The following CCDC15 variants were observed in gnomAD, a reference collection of about 807,000 sequenced individuals.
CCDC15 encodes the protein coiled-coil domain-containing protein 15.
A neutral mutation model predicts 114.5 loss-of-function variants in CCDC15; 105 were observed. That is an observed-to-expected ratio of 0.92 (90% CI 0.78 to 1.08). The LOEUF is 1.08. Among genes scored for constraint, CCDC15 ranks in the 50% least tolerant of loss-of-function variants. CCDC15 has a pLI of 0.00. For missense variants in CCDC15, 1,105 were observed against 1,093.6 expected, an observed-to-expected ratio of 1.01 and a Z score of -0.15; for synonymous variants, 334 against 377.8, an observed-to-expected ratio of 0.88 and a Z score of 1.34.
chr11:125,029,912 C>T (rs537821237), intron 13 of CCDC15, among the ~76,000 whole-genome samples: 2 of 152,308 alleles, frequency 1.3e-5, no homozygotes, highest in African/African-American at 4.8e-5. Context: ...GAGTAGTAGA[C>T]TGATTTCATG....
At chr11:125,006,868 C>G (rs1456185556) in intron 13 of CCDC15, among the ~76,000 whole-genome samples, 1 of 152,128 alleles carries the variant, frequency 6.6e-6, no homozygotes, top group Non-Finnish European at 1.5e-5. Flanking sequence ...GTTCTCTGTT[C>G]TGTTCCATTG....
At chr11:124,980,537 G>C (rs7121890) in intron 6 of CCDC15, among the ~76,000 whole-genome samples, 5,986 of 152,248 alleles carry the variant, frequency 0.039, 145 homozygotes, top group Middle Eastern at 0.092. Context: ...ATTTCTTCCA[G>C]ATTTTCTAGC....
At chr11:124,971,846 T>C (rs1002577525) in intron 4 of CCDC15, among the ~76,000 whole-genome samples, 1 of 151,966 alleles carries the variant, frequency 6.6e-6, no homozygotes, top group African/African-American at 2.4e-5. Context: ...GTAATACTCC[T>C]TCTTAATTAA....
chr11:124,994,326 C>T (rs903427776), intron 11 of CCDC15, among the ~76,000 whole-genome samples: 2 of 152,058 alleles, frequency 1.3e-5, no homozygotes, highest in Admixed American at 1.3e-4. Flanking sequence ...ATTATAGGTA[C>T]CTACTAAACT....
chr11:124,973,050 C>A (rs1947911092), intron 4 of CCDC15, among the ~76,000 whole-genome samples: 1 of 152,102 alleles, frequency 6.6e-6, no homozygotes. Context: ...AATGACAGTC[C>A]TCAAAGCATG....
chr11:125,016,169 T>G (rs919717051), intron 13 of CCDC15, among the ~76,000 whole-genome samples: 5 of 152,236 alleles, frequency 3.3e-5, no homozygotes, highest in African/African-American at 1.2e-4. Context: ...GGCCCCTTGC[T>G]GCTGAATATC....
chr11:125,038,469 A>G lies in CCDC15; in HGVS notation c.2450A>G (p.Glu817Gly), dbSNP rs747666964. 9 of 1,577,088 alleles carry G rather than the reference A, an allele frequency of 5.7e-6. No homozygotes were observed. The highest frequency in any genetic ancestry group is 7.7e-6 in the Non-Finnish European group (9 of 1,161,446). ...AGAGAGCAAGAATGTTATGCTGCAG[A>G]GCAGAGGATCCTAAGAATGAACTTT... Reference protein sequence around the residue: ...KKREQECYAAEQRILRMNFHE... With the variant: ...KKREQECYAAGQRILRMNFHE... Residue 817 changes from glutamate to glycine, a missense_variant, in exon 14 of 16, where the codon GAG (glutamate) becomes GGG (glycine). Coordinates refer to ENST00000344762, the MANE Select transcript of CCDC15 (RefSeq NM_025004.3).
intron 13 of CCDC15, among the ~76,000 whole-genome samples, chr11:125,009,575 A>T (rs1422629247): frequency 6.6e-6 from 1 of 152,088 alleles, no homozygotes; most frequent in Non-Finnish European, 1.5e-5. Context: ...CGTGATGCTG[A>T]AGGTTGTGGT....
chr11:125,017,972 A>G (rs185317561), intron 13 of CCDC15, among the ~76,000 whole-genome samples: 12 of 152,290 alleles, frequency 7.9e-5, no homozygotes, highest in Non-Finnish European at 1.5e-4. Context: ...CAAGTAAAAA[A>G]ATTCAGTTTA....
chr11:124,960,215 T>C (rs1947635896), intron 4 of CCDC15, among the ~76,000 whole-genome samples: 3 of 151,544 alleles, frequency 2.0e-5, no homozygotes, highest in Admixed American at 2.0e-4. Context: ...AATTCATTTG[T>C]GTTTGGTAAG....
intron 8 of CCDC15, among the ~76,000 whole-genome samples, chr11:124,989,772 T>A (rs141851831): frequency 3.9e-4 from 60 of 152,240 alleles, no homozygotes; most frequent in East Asian, 3.9e-3. Flanking sequence ...ACTTCCAACT[T>A]TTCTTCTGTA....
chr11:125,003,581 A>T (rs574198592), intron 11 of CCDC15, among the ~76,000 whole-genome samples: 1 of 152,036 alleles, frequency 6.6e-6, no homozygotes, highest in African/African-American at 2.4e-5. Context: ...ATTTCAAGTG[A>T]CCACTTTAAA....
chr11:124,954,764 G>T lies in CCDC15; in HGVS notation c.32G>T (p.Arg11Leu), dbSNP rs768302784. MLGSMARKKP[R>L]NTSRLPLALN... ...GGAAGTATGGCCCGAAAGAAACCTCGAAATACCTCAAGGTTGCCCCTGGCT... is the reference window on the plus strand; with the variant it reads ...GGAAGTATGGCCCGAAAGAAACCTCTAAATACCTCAAGGTTGCCCCTGGCT... The change falls in exon 2 of 16, where the codon CGA becomes CTA. Residue 11 changes from arginine to leucine, a missense_variant. Physicochemically the swap from Arg to Leu is moderately radical, Grantham distance 102. Coordinates refer to ENST00000344762, the MANE Select transcript of CCDC15 (RefSeq NM_025004.3). 5.6e-6 allele frequency: 9 copies of T among 1,613,908 alleles called. 1 individual carries two copies. The South Asian group carries it at 9.9e-5, about 18-fold the overall frequency.
chr11:124,958,460 T>A (rs1283881931), intron 2 of CCDC15, among the ~76,000 whole-genome samples: 1 of 152,178 alleles, frequency 6.6e-6, no homozygotes, highest in Non-Finnish European at 1.5e-5. Context: ...TGGACACCCC[T>A]GGTTTAGAAT....
chr11:124,976,873 T>C (rs983417615), intron 5 of CCDC15, among the ~76,000 whole-genome samples: 1 of 152,134 alleles, frequency 6.6e-6, no homozygotes, highest in Admixed American at 6.5e-5. Context: ...GGCTACCTAC[T>C]TGCTTCCAAA....
rs1274618261 is a variant in CCDC15, at chr11:125,038,453, G to A, written c.2434G>A (p.Glu812Lys). Reference sequence around the variant, plus strand: ...CAGAATTAAGAAAAAGAGAGAGCAAGAATGTTATGCTGCAGAGCAGAGGAT... The same window carrying A: ...CAGAATTAAGAAAAAGAGAGAGCAAAAATGTTATGCTGCAGAGCAGAGGAT... ...IEKIKKKREQ[E>K]CYAAEQRILR... Residue 812 changes from glutamate (E) to lysine (K), a missense_variant, in exon 14 of 16, where the codon GAA (glutamate) becomes AAA (lysine). Transcript: ENST00000344762. 1.3e-6 allele frequency: 2 copies of A among 1,527,958 alleles called. No homozygotes were observed. Among genetic ancestry groups the A allele is most frequent in the East Asian group, 2.4e-5 (1 of 42,154 alleles). 94.7% of individuals were successfully genotyped at this position (1,527,958 alleles called of 1,614,324 possible).
intron 13 of CCDC15, among the ~76,000 whole-genome samples, chr11:125,020,191 T>G (rs1315099647): frequency 6.6e-6 from 1 of 151,964 alleles, no homozygotes; most frequent in Non-Finnish European, 1.5e-5. Context: ...AGAGGCAGAT[T>G]TCTTCCACCT....
At chr11:125,000,981 A>G (rs1407793030) in intron 11 of CCDC15, among the ~76,000 whole-genome samples, 1 of 152,200 alleles carries the variant, frequency 6.6e-6, no homozygotes, top group Non-Finnish European at 1.5e-5. Flanking sequence ...ATCCGTTAAC[A>G]TGAACTCACA....
chr11:125,030,275 T>C (rs1026557510), intron 13 of CCDC15, among the ~76,000 whole-genome samples: 1 of 152,172 alleles, frequency 6.6e-6, no homozygotes, highest in African/African-American at 2.4e-5. Flanking sequence ...GCCCCAGCCC[T>C]GCAAAGTATT....
Sources: allele counts gnomAD v4.1 joint callset (sites outside exome capture counted in the v4.1 genomes callset), GRCh38; gene constraint gnomAD v4.1.1; transcripts MANE v1.5; gene names NCBI Gene and HGNC (gene_info 2026-07-23, HGNC 2026-07-21).